CADPS2: variants seen among roughly 807,000 people sequenced by gnomAD.
CADPS2 encodes the protein calcium-dependent secretion activator 2.
CADPS2 carries 93 observed loss-of-function variants against 172.5 expected under a neutral mutation model. The observed-to-expected ratio is 0.54, with a 90% CI of 0.46 to 0.64. The LOEUF (loss-of-function observed/expected upper bound fraction) is 0.64. Ranked by LOEUF, CADPS2 falls within the 30% of genes least tolerant of loss-of-function variation. The pLI is 0.00. For missense variants in CADPS2, 1,420 were observed against 1,565.9 expected, an observed-to-expected ratio of 0.91 and a Z score of 1.57; for synonymous variants, 546 against 555.2, an observed-to-expected ratio of 0.98 and a Z score of 0.23.
At chr7:122,693,588 A>T (rs1486347420) in intron 2 of CADPS2, among the ~76,000 whole-genome samples, 1 of 152,166 alleles carries the variant, frequency 6.6e-6, no homozygotes, top group Non-Finnish European at 1.5e-5. Flanking sequence ...CTGAACACTG[A>T]GACTTGGAAA....
intron 29 of CADPS2, among the ~76,000 whole-genome samples, chr7:122,323,826 C>T (rs572271645): frequency 2.6e-5 from 3 of 114,722 alleles, no homozygotes; most frequent in African/African-American, 9.4e-5. Context: ...TAAAGTACAA[C>T]TGTTATGTAT....
At chr7:122,478,685 A>C (rs1478998199) in intron 12 of CADPS2, among the ~76,000 whole-genome samples, 1 of 152,154 alleles carries the variant, frequency 6.6e-6, no homozygotes, top group Non-Finnish European at 1.5e-5. Context: ...TACAGACTTG[A>C]AAATAGGTGG....
chr7:122,645,488 G>A (rs5016708), intron 3 of CADPS2, among the ~76,000 whole-genome samples: 62,054 of 94,104 alleles, frequency 0.66, 18,605 homozygotes, highest in East Asian at 0.81. Flanking sequence ...TATATTTAGC[G>A]TATATATATA....
At chr7:122,586,836 T>C (rs1410045988) in intron 6 of CADPS2, among the ~76,000 whole-genome samples, 1 of 152,012 alleles carries the variant, frequency 6.6e-6, no homozygotes, top group Non-Finnish European at 1.5e-5. Flanking sequence ...GTTGCACATA[T>C]GTAAGAAAGT....
chr7:122,687,935 G>T (rs767864184), intron 2 of CADPS2, among the ~76,000 whole-genome samples: 1 of 152,102 alleles, frequency 6.6e-6, no homozygotes, highest in African/African-American at 2.4e-5. Context: ...CATTTAATTA[G>T]TCTAAGTATA....
At chr7:122,650,847 T>C (rs2079079173) in intron 3 of CADPS2, among the ~76,000 whole-genome samples, 1 of 152,094 alleles carries the variant, frequency 6.6e-6, no homozygotes, top group South Asian at 2.1e-4. Flanking sequence ...ATTAAATCCA[T>C]CCAATTTACA....
intron 14 of CADPS2, among the ~76,000 whole-genome samples, chr7:122,463,299 T>C (rs922532101): frequency 1.3e-5 from 2 of 150,448 alleles, no homozygotes; most frequent in African/African-American, 4.9e-5. Flanking sequence ...CTCAAGAAAA[T>C]AACCAAAAAT....
Position 122,323,876 on chromosome 7 carries a change from TATATATATATATATATATATA to T in CADPS2, c.3717+1580_3717+1600del, listed in dbSNP as rs2033196716. ...ATATTATATACATATGTATATTTTA[TATATATATATATATATATATA>T]TATATATATATATATATATATATAT... On this transcript the variant is annotated intron_variant, in intron 29 of 29. Transcript: ENST00000449022. 7.3e-4 allele frequency among the ~76,000 whole-genome samples: 13 copies of T among 17,778 alleles called. 1 individual carries two copies. Among genetic ancestry groups the T allele is most frequent in the Admixed American group, 2.7e-3 (9 of 3,354 alleles). 11.7% of individuals were successfully genotyped at this position (17,778 alleles called of 152,430 possible).
chr7:122,594,048 T>A (rs115449776), intron 6 of CADPS2, among the ~76,000 whole-genome samples: 1,530 of 152,232 alleles, frequency 0.01, 30 homozygotes, highest in African/African-American at 0.035. Flanking sequence ...TAACTATGTT[T>A]TATCATTCTA....
chr7:122,576,160 T>A (rs2068010498), intron 7 of CADPS2, among the ~76,000 whole-genome samples: 1 of 152,116 alleles, frequency 6.6e-6, no homozygotes, highest in African/African-American at 2.4e-5. Flanking sequence ...TCTGGAAGAG[T>A]ACTGGCCAAT....
chr7:122,673,511 A>G (rs1443646383), intron 2 of CADPS2, among the ~76,000 whole-genome samples: 9 of 152,094 alleles, frequency 5.9e-5, no homozygotes, highest in African/African-American at 2.2e-4. Context: ...TTAGTTAGAC[A>G]CAAAAGGTCT....
intron 28 of CADPS2, among the ~76,000 whole-genome samples, chr7:122,334,721 GATTA>G (rs1270407515): frequency 6.6e-6 from 1 of 152,116 alleles, no homozygotes; most frequent in African/African-American, 2.4e-5. Flanking sequence ...CAATTTAATA[GATTA>G]ATTATTAGTA....
At chr7:122,565,488 TATGGCAGA>T (rs922196269) in intron 7 of CADPS2, among the ~76,000 whole-genome samples, 2 of 152,192 alleles carry the variant, frequency 1.3e-5, no homozygotes, top group Non-Finnish European at 2.9e-5. Flanking sequence ...TCATGGCTAC[TATGGCAGA>T]GCCAATACCA....
chr7:122,859,472 T>C (rs1391671783), intron 1 of CADPS2, among the ~76,000 whole-genome samples: 1 of 152,226 alleles, frequency 6.6e-6, no homozygotes, highest in Non-Finnish European at 1.5e-5. Context: ...ACCTTGGTCA[T>C]TTAGAACCTA....
chr7:122,753,077 G>A (rs1197448637), intron 1 of CADPS2, among the ~76,000 whole-genome samples: 15 of 152,054 alleles, frequency 9.9e-5, no homozygotes, highest in Non-Finnish European at 1.8e-4. Flanking sequence ...CAATGGCCCC[G>A]GGGTAAAATG....
chr7:122,655,802 C>T (rs1424002810), intron 3 of CADPS2, among the ~76,000 whole-genome samples: 1 of 152,080 alleles, frequency 6.6e-6, no homozygotes, highest in Non-Finnish European at 1.5e-5. Flanking sequence ...CAGGGGTACT[C>T]TTTATAATTT....
At chr7:122,604,031 A>C (rs947521705) in intron 6 of CADPS2, among the ~76,000 whole-genome samples, 69 of 152,282 alleles carry the variant, frequency 4.5e-4, no homozygotes, top group African/African-American at 1.5e-3. Flanking sequence ...TACATATATC[A>C]AATAATCATG....
chr7:122,580,784 G>A (rs191591960), intron 7 of CADPS2, among the ~76,000 whole-genome samples: 69 of 152,238 alleles, frequency 4.5e-4, no homozygotes, highest in Middle Eastern at 3.4e-3. Context: ...TAATCACAAT[G>A]AACATGAAGA....
intron 3 of CADPS2, among the ~76,000 whole-genome samples, chr7:122,632,644 C>A (rs1030652529): frequency 3.9e-5 from 6 of 152,002 alleles, no homozygotes; most frequent in Non-Finnish European, 8.8e-5. Flanking sequence ...ATTCTGTAGG[C>A]TGTTGGTTGA....
Sources: gnomAD v4.1 joint callset for allele counts (sites outside exome capture counted in the v4.1 genomes callset) on GRCh38, gnomAD v4.1.1 for gene constraint, MANE v1.5 for transcripts, NCBI Gene and HGNC (gene_info 2026-07-23, HGNC 2026-07-21) for gene names.